The following GRIK2 variants were observed in gnomAD, a reference collection of about 807,000 sequenced individuals.
GRIK2 encodes glutamate ionotropic receptor kainate type subunit 2.
In GRIK2, 32 loss-of-function variants were observed where a neutral mutation model predicts 100.3. The ratio of observed to expected loss-of-function variants is 0.32; its 90% CI spans 0.24 to 0.43. The LOEUF is 0.43. Ranked by LOEUF, GRIK2 falls within the 20% of genes least tolerant of loss-of-function variation. The probability of loss-of-function intolerance (pLI) is 1.00; values close to 1 mark genes in which losing one functional copy is unlikely to be tolerated. For synonymous variants in GRIK2, 417 were observed against 389.4 expected (o/e 1.07, Z -0.83); for missense variants, 843 against 1,114.9 (o/e 0.76, Z 3.47).
chr6:101,745,528 TA>T (rs1776372136), intron 7 of GRIK2, among the ~76,000 whole-genome samples: 2 of 152,184 alleles, frequency 1.3e-5, no homozygotes, highest in African/African-American at 4.8e-5. Flanking sequence ...ATTTTATATA[TA>T]TTTTTTGAGA....
intron 7 of GRIK2, 141 bp from the exon 8 acceptor site, chr6:101,799,507 A>G: frequency 1.4e-5 from 9 of 639,182 alleles, no homozygotes; most frequent in Non-Finnish European, 2.5e-5. Context: ...AGAGCATGTT[A>G]GAGATAACGT....
rs1239661989 is a variant in GRIK2, at chr6:101,836,659, A to ATTTTTTTT, written c.1317+18177_1317+18178insTTTTTTTT. The stretch of plus-strand genomic sequence containing the variant: ...TATGTATGTGTATATATATATATAT[A>ATTTTTTTT]TATTTTTTTTTTTTTTTTTTTTTTG... On this transcript the variant is annotated intron_variant, in intron 10 of 16. Transcript: ENST00000369134. Among the ~76,000 whole-genome samples the ATTTTTTTT allele has an allele frequency of 6.3e-4, 38 of 60,210 alleles. 5 individuals carry two copies. The highest frequency in any genetic ancestry group is 1.1e-3 in the Non-Finnish European group (34 of 30,764). 39.5% of individuals were successfully genotyped at this position (60,210 alleles called of 152,430 possible). A position where few individuals can be genotyped will look rare whatever the true frequency, so the allele number is the denominator to read the frequency against.
At chr6:101,527,255 A>G (rs1363015350) in intron 2 of GRIK2, among the ~76,000 whole-genome samples, 1 of 152,192 alleles carries the variant, frequency 6.6e-6, no homozygotes, top group African/African-American at 2.4e-5. Context: ...CTATGTTATT[A>G]TTCTTTTTTC....
intron 12 of GRIK2, among the ~76,000 whole-genome samples, chr6:101,913,455 A>T (rs1788889144): frequency 1.3e-5 from 2 of 151,526 alleles, no homozygotes; most frequent in Non-Finnish European, 1.5e-5. Flanking sequence ...ATTTTTGAGC[A>T]CTTATTCTAT....
chr6:101,832,630 T>A (rs892878119), intron 10 of GRIK2, among the ~76,000 whole-genome samples: 1 of 152,170 alleles, frequency 6.6e-6, no homozygotes, highest in African/African-American at 2.4e-5. Context: ...ACGTATGATG[T>A]TCTGAGTGAG....
intron 14 of GRIK2, among the ~76,000 whole-genome samples, chr6:101,935,535 A>T (rs903698420): frequency 6.6e-6 from 1 of 151,890 alleles, no homozygotes; most frequent in African/African-American, 2.4e-5. Context: ...AGAATTGTAC[A>T]TGAGACTTTG....
rs1449681033 is a variant in GRIK2, at chr6:101,626,650, A to T, written c.541+13A>T. The T allele has an allele frequency of 6.2e-7, 1 of 1,610,342 alleles. No individual in the cohort carries two copies. The highest frequency in any genetic ancestry group is 2.2e-5 in the East Asian group (1 of 44,752). On this transcript the variant is annotated intron_variant, in intron 4 of 16. Coordinates refer to ENST00000369134, the MANE Select transcript of GRIK2 (RefSeq NM_021956.5). ...GATGACAGCACTGGTAAGAAAAATC[A>T]GTATCTTTTGGAGCTATGCTTTAAA...
chr6:101,722,740 T>G (rs1416926182), intron 7 of GRIK2, among the ~76,000 whole-genome samples: 1 of 151,960 alleles, frequency 6.6e-6, no homozygotes, highest in Non-Finnish European at 1.5e-5. Context: ...TATGAGATGG[T>G]GGGGAGGAGA....
At chr6:101,741,878 G>T (rs1776050542) in intron 7 of GRIK2, among the ~76,000 whole-genome samples, 1 of 152,096 alleles carries the variant, frequency 6.6e-6, no homozygotes, top group African/African-American at 2.4e-5. Context: ...TTTAAGCATG[G>T]CATTACTGAG....
intron 2 of GRIK2, among the ~76,000 whole-genome samples, chr6:101,468,184 T>C (rs1193892699): frequency 6.6e-6 from 1 of 152,144 alleles, no homozygotes; most frequent in Admixed American, 6.5e-5. Context: ...CTTGCATGTG[T>C]CCCACACCAG....
At chr6:101,586,478 ACATTT>A (rs2128304889) in intron 2 of GRIK2, among the ~76,000 whole-genome samples, 1 of 152,214 alleles carries the variant, frequency 6.6e-6, no homozygotes, top group East Asian at 1.9e-4. Context: ...CTCTGAAGGA[ACATTT>A]CCAAGCTACC....
At chr6:101,511,110 T>C (rs1444562355) in intron 2 of GRIK2, among the ~76,000 whole-genome samples, 3 of 152,168 alleles carry the variant, frequency 2.0e-5, no homozygotes, top group Admixed American at 2.0e-4. Context: ...GTAAATATCT[T>C]TTGGAACTGG....
intron 14 of GRIK2, among the ~76,000 whole-genome samples, chr6:101,930,587 C>T (rs1790205383): frequency 6.6e-6 from 1 of 151,770 alleles, no homozygotes; most frequent in Admixed American, 6.6e-5. Flanking sequence ...TTATTTTTTC[C>T]AGAAGACTCA....
intron 5 of GRIK2, among the ~76,000 whole-genome samples, chr6:101,678,378 A>C (rs1770995253): frequency 6.6e-6 from 1 of 152,138 alleles, no homozygotes; most frequent in African/African-American, 2.4e-5. Context: ...AGAATATTTA[A>C]ATACATATAA....
At chr6:101,510,139 T>G (rs1774225434) in intron 2 of GRIK2, among the ~76,000 whole-genome samples, 1 of 152,214 alleles carries the variant, frequency 6.6e-6, no homozygotes, top group South Asian at 2.1e-4. Flanking sequence ...GACATTAAAG[T>G]GCTTATTTCT....
chr6:101,620,139 T>C, intron 2 of GRIK2: 1 of 318,994 alleles, frequency 3.1e-6, no homozygotes. Context: ...CCCAAAATTA[T>C]ACAGATAGCA....
At chr6:102,033,716 T>C (rs1453630743) in intron 14 of GRIK2, among the ~76,000 whole-genome samples, 1 of 151,308 alleles carries the variant, frequency 6.6e-6, no homozygotes, top group African/African-American at 2.4e-5. Flanking sequence ...TATTTTGCCA[T>C]TAAAATAATA....
At chr6:101,397,707 T>C (rs1562108380) in intron 1 of GRIK2, among the ~76,000 whole-genome samples, 1 of 152,158 alleles carries the variant, frequency 6.6e-6, no homozygotes, top group Non-Finnish European at 1.5e-5. Context: ...AGTCGAATAT[T>C]CATATCACTC....
chr6:101,629,816 C>T (rs1393334729), intron 4 of GRIK2, among the ~76,000 whole-genome samples: 2 of 151,978 alleles, frequency 1.3e-5, no homozygotes, highest in Non-Finnish European at 2.9e-5. Context: ...ACCAATCACC[C>T]AATGAACAGG....
Sources: allele counts gnomAD v4.1 joint callset (sites outside exome capture counted in the v4.1 genomes callset), GRCh38; gene constraint gnomAD v4.1.1; transcripts MANE v1.5; gene names NCBI Gene and HGNC (gene_info 2026-07-23, HGNC 2026-07-21).